SPATA6: variants seen among roughly 807,000 people sequenced by gnomAD.
SPATA6 encodes spermatogenesis-associated protein 6.
In SPATA6, 56 loss-of-function variants were observed where a neutral mutation model predicts 65.3. That is an observed-to-expected ratio of 0.86 (90% CI 0.69 to 1.07). The LOEUF (loss-of-function observed/expected upper bound fraction) is 1.07, where lower values mean the gene tolerates loss of function less well. Among genes scored for constraint, SPATA6 ranks in the 50% least tolerant of loss-of-function variants. The pLI, the probability that SPATA6 is intolerant of heterozygous loss-of-function variation, is 0.00. For synonymous variants in SPATA6, 199 were observed against 213.2 expected (o/e 0.93, Z 0.58); for missense variants, 590 against 594.8 (o/e 0.99, Z 0.08).
At chr1:48,293,590 G>A (rs962473222), downstream of SPATA6, among the ~76,000 whole-genome samples, 24 of 152,056 alleles carry the variant, frequency 1.6e-4, no homozygotes, top group Admixed American at 1.4e-3. Flanking sequence ...AAGTACCTTG[G>A]TAATGAGAGT....
chr1:48,452,926 T>C, intron 2 of SPATA6, 68 bp downstream of exon 2: 1 of 1,546,236 alleles, frequency 6.5e-7, no homozygotes, highest in Non-Finnish European at 8.7e-7. Flanking sequence ...TGTTATAGGC[T>C]TTTATTCAAA....
chr1:48,406,127 ACTATAGACATTC>A (rs970030152), intron 5 of SPATA6, among the ~76,000 whole-genome samples: 1 of 152,016 alleles, frequency 6.6e-6, no homozygotes, highest in Non-Finnish European at 1.5e-5. Context: ...CAGGACAATC[ACTATAGACATTC>A]CTGTTTGAGC....
downstream of SPATA6, among the ~76,000 whole-genome samples, chr1:48,290,398 C>A (rs532532350): frequency 6.6e-6 from 1 of 152,110 alleles, no homozygotes; most frequent in Non-Finnish European, 1.5e-5. Flanking sequence ...CAAAAATATG[C>A]CAAATTGTAA....
intron 12 of SPATA6, among the ~76,000 whole-genome samples, chr1:48,302,146 T>A (rs957279643): frequency 6.6e-6 from 1 of 152,254 alleles, no homozygotes; most frequent in East Asian, 1.9e-4. Flanking sequence ...TGGACTGATA[T>A]TGTGAACTAT....
intron 3 of SPATA6, among the ~76,000 whole-genome samples, chr1:48,440,003 C>T (rs1402753354): frequency 6.6e-6 from 1 of 152,174 alleles, no homozygotes. Flanking sequence ...GGAGAATCCA[C>T]AACTATGCAA....
chr1:48,362,586 A>T (rs1455896968), intron 9 of SPATA6, among the ~76,000 whole-genome samples: 1 of 152,190 alleles, frequency 6.6e-6, no homozygotes, highest in African/African-American at 2.4e-5. Flanking sequence ...TCCAGATGAG[A>T]CAGGGCATAT....
At chr1:48,378,885 C>T (rs1055778815) in intron 9 of SPATA6, among the ~76,000 whole-genome samples, 3 of 152,160 alleles carry the variant, frequency 2.0e-5, no homozygotes, top group African/African-American at 7.2e-5. Flanking sequence ...AGTATATGCA[C>T]ACACATACAA....
In SPATA6 at chr1:48,359,763, C is replaced by G; in HGVS notation, c.917G>C (p.Arg306Thr). 2 of 1,608,166 alleles carry G rather than the reference C, an allele frequency of 1.2e-6. No individual in the cohort carries two copies. Among genetic ancestry groups the G allele is most frequent in the South Asian group, 2.2e-5 (2 of 90,190 alleles). Residue 306 changes from arginine (R) to threonine (T), a missense_variant, in exon 10 of 13, where the codon AGG becomes ACG. By Grantham distance (71) the Arg-to-Thr change is moderately conservative. Coordinates refer to ENST00000371847, the MANE Select transcript of SPATA6 (RefSeq NM_019073.4). ...ATCGAAGTCTCTCCCATGGGGTGTC[C>G]TGATAACCTGTTTTAAAAATTATAT... ...CCRPKDYKVI[R>T]TPHGRDFDDS...
intron 9 of SPATA6, among the ~76,000 whole-genome samples, chr1:48,384,285 A>C (rs1055073623): frequency 8.2e-5 from 11 of 133,838 alleles, no homozygotes; most frequent in Non-Finnish European, 1.6e-4. Context: ...AGATGGCAGC[A>C]GTACCGTCCA....
intron 11 of SPATA6, among the ~76,000 whole-genome samples, chr1:48,326,930 A>G (rs953314481): frequency 1.3e-5 from 2 of 152,146 alleles, no homozygotes. Flanking sequence ...AACTCTACTG[A>G]ATATTGGCCT....
the SPATA6 span, among the ~76,000 whole-genome samples, chr1:48,284,950 G>A: frequency 6.6e-6 from 1 of 152,192 alleles, no homozygotes; most frequent in Non-Finnish European, 1.5e-5. Flanking sequence ...AGCAGAGCTC[G>A]AGCGCTGTGC....
intron 12 of SPATA6, among the ~76,000 whole-genome samples, chr1:48,300,803 A>C (rs1461952455): frequency 6.6e-6 from 1 of 151,466 alleles, no homozygotes; most frequent in Non-Finnish European, 1.5e-5. Flanking sequence ...GAATTAAAAC[A>C]AAAAAAAAGT....
intron 11 of SPATA6, among the ~76,000 whole-genome samples, chr1:48,331,805 G>C (rs1275154593): frequency 6.6e-6 from 1 of 152,180 alleles, no homozygotes; most frequent in Non-Finnish European, 1.5e-5. Flanking sequence ...AAGAAAAAAT[G>C]ATAAAGGCAG....
chr1:48,313,435 A>C (rs1645290729), intron 11 of SPATA6, among the ~76,000 whole-genome samples: 1 of 152,130 alleles, frequency 6.6e-6, no homozygotes, highest in South Asian at 2.1e-4. Flanking sequence ...TTTCATATCC[A>C]GCCAAACTAA....
At chr1:48,338,203 C>T (rs140306497) in intron 11 of SPATA6, among the ~76,000 whole-genome samples, 11 of 152,058 alleles carry the variant, frequency 7.2e-5, no homozygotes, top group Middle Eastern at 3.4e-3. Context: ...GGACTATCTC[C>T]GCATAAACAC....
chr1:48,423,475 A>G (rs1270471530), intron 3 of SPATA6, among the ~76,000 whole-genome samples: 1 of 150,842 alleles, frequency 6.6e-6, no homozygotes, highest in African/African-American at 2.4e-5. Context: ...AAAAAAAAAA[A>G]ACAGAAAAAT....
At chr1:48,422,566 T>G (rs1370362049) in intron 3 of SPATA6, among the ~76,000 whole-genome samples, 1 of 152,208 alleles carries the variant, frequency 6.6e-6, no homozygotes, top group African/African-American at 2.4e-5. Context: ...TTACAAGGAC[T>G]GAAGTCCATC....
At chr1:48,353,490 T>A (rs536707312) in intron 11 of SPATA6, among the ~76,000 whole-genome samples, 1 of 148,458 alleles carries the variant, frequency 6.7e-6, no homozygotes, top group African/African-American at 2.5e-5. Flanking sequence ...TATAATGACA[T>A]AAACCAAAGA....
intron 10 of SPATA6, among the ~76,000 whole-genome samples, chr1:48,357,829 G>A (rs1409998623): frequency 2.6e-5 from 4 of 152,046 alleles, no homozygotes; most frequent in African/African-American, 9.7e-5. Context: ...AATCAAAGGT[G>A]TTCTGCTTTA....
Sources: allele counts gnomAD v4.1 joint callset (sites outside exome capture counted in the v4.1 genomes callset), GRCh38; gene constraint gnomAD v4.1.1; transcripts MANE v1.5; gene names NCBI Gene and HGNC (gene_info 2026-07-23, HGNC 2026-07-21).